Variants in SLC25A42 observed in about 807,000 individuals in gnomAD.
The protein encoded by SLC25A42 is mitochondrial coenzyme A transporter SLC25A42.
In SLC25A42, 19 loss-of-function variants were observed where a neutral mutation model predicts 34.7. The ratio of observed to expected loss-of-function variants is 0.55; its 90% confidence interval spans 0.38 to 0.80. The LOEUF is 0.80. Among genes scored for constraint, SLC25A42 ranks in the 30% least tolerant of loss-of-function variants. The pLI, the probability that SLC25A42 is intolerant of heterozygous loss-of-function variation, is 0.00. For missense variants in SLC25A42, 364 were observed against 441.3 expected (o/e 0.82, Z 1.57); for synonymous variants, 205 against 191.2 (o/e 1.07, Z -0.59).
At chr19:19,106,244 C>G in intron 5 of SLC25A42, 25 bp from the exon 6 acceptor site, 1 of 1,594,142 alleles carries the variant, frequency 6.3e-7, no homozygotes, top group Non-Finnish European at 8.5e-7. Flanking sequence ...ACTGCCGTCT[C>G]GCCTTCTCCT....
At chr19:19,093,747 G>A (rs1339809018) in intron 1 of SLC25A42, among the ~76,000 whole-genome samples, 2 of 152,070 alleles carry the variant, frequency 1.3e-5, no homozygotes, top group Non-Finnish European at 2.9e-5. Flanking sequence ...GCGTGATCTC[G>A]GCTCACTGCA....
intron 3 of SLC25A42, among the ~76,000 whole-genome samples, chr19:19,103,555 C>T (rs1255114840): frequency 2.0e-5 from 3 of 152,204 alleles, no homozygotes; most frequent in Non-Finnish European, 4.4e-5. Context: ...TTTCAGAGGA[C>T]AGAAATTAAA....
chr19:19,108,431 C>T (rs921270577), intron 7 of SLC25A42, among the ~76,000 whole-genome samples: 2 of 152,048 alleles, frequency 1.3e-5, no homozygotes, highest in African/African-American at 2.4e-5. Context: ...CACCTGTGGT[C>T]CCAGCTACTA....
chr19:19,099,888 C>T (rs984061559), intron 2 of SLC25A42, among the ~76,000 whole-genome samples: 7 of 151,802 alleles, frequency 4.6e-5, no homozygotes, highest in Non-Finnish European at 8.8e-5. Context: ...CCACCATGCC[C>T]GGCTAATTTT....
intron 1 of SLC25A42, among the ~76,000 whole-genome samples, chr19:19,082,919 G>A (rs1262889845): frequency 6.6e-6 from 1 of 151,976 alleles, no homozygotes; most frequent in Non-Finnish European, 1.5e-5. Context: ...CTGGGTTCAA[G>A]TGATTCTCCT....
chr19:19,097,681 T>C (rs571664867), intron 2 of SLC25A42, among the ~76,000 whole-genome samples: 1 of 152,304 alleles, frequency 6.6e-6, no homozygotes, highest in East Asian at 1.9e-4. Flanking sequence ...AGCTGAGCCT[T>C]GGCTGGGATG....
Position 19,110,847 on chromosome 19 carries a change from C to T in SLC25A42, c.928C>T (p.Gln310Ter), listed in dbSNP as rs1234931232. Residue 310 changes from glutamine to a stop codon, truncating the protein, a stop_gained, in exon 8 of 8, where the codon CAG becomes TAG. Coordinates refer to ENST00000318596, the MANE Select transcript of SLC25A42 (RefSeq NM_178526.5). LOFTEE classifies it high-confidence loss of function. The stretch of plus-strand genomic sequence containing the variant: ...CAGCTTCACCACCTTCGACCTCATG[C>T]AGATCCTGCTGCGGCACCTGCAGAG... The part of the protein sequence containing the change: ...GISFTTFDLM[Q>*]ILLRHLQS The T allele has an allele frequency of 6.2e-7, 1 of 1,613,968 alleles. No homozygotes were observed. Among genetic ancestry groups the T allele is most frequent in the Admixed American group, 1.7e-5 (1 of 60,026 alleles).
In SLC25A42 at chr19:19,110,877, G is replaced by A. The variant is rs1234369257; in HGVS notation, c.*1G>A. On this transcript the variant is annotated 3_prime_UTR_variant, in exon 8 of 8. Transcript: ENST00000318596. ...CCTGCTGCGGCACCTGCAGAGCTAG[G>A]GGACCCTGAGCTGCTCTCAGGACGG... The A allele has an allele frequency of 3.7e-6, 6 of 1,613,578 alleles. No individual in the cohort carries two copies. In the South Asian group the frequency reaches 4.4e-5, roughly 12 times the overall value.
intron 1 of SLC25A42, among the ~76,000 whole-genome samples, chr19:19,094,004 G>A (rs1256692543): frequency 1.3e-5 from 2 of 152,216 alleles, no homozygotes; most frequent in Non-Finnish European, 2.9e-5. Flanking sequence ...CAGATGGGGT[G>A]ATGGATCTGG....
intron 1 of SLC25A42, among the ~76,000 whole-genome samples, chr19:19,066,349 C>T (rs1406338673): frequency 1.3e-5 from 2 of 152,084 alleles, no homozygotes; most frequent in African/African-American, 4.8e-5. Context: ...ATCCCCCACC[C>T]CTTTTAAACC....
At chr19:19,100,558 A>G (rs2059790702) in intron 2 of SLC25A42, among the ~76,000 whole-genome samples, 1 of 151,820 alleles carries the variant, frequency 6.6e-6, no homozygotes, top group Admixed American at 6.6e-5. Context: ...CCCACCTAAT[A>G]CTATGACACA....
intron 1 of SLC25A42, among the ~76,000 whole-genome samples, chr19:19,089,497 C>T (rs1773115455): frequency 6.6e-6 from 1 of 150,650 alleles, no homozygotes; most frequent in African/African-American, 2.4e-5. Context: ...CAGTGCACTC[C>T]AGCCTGGGTG....
chr19:19,090,455 C>A (rs1299446573), intron 1 of SLC25A42, among the ~76,000 whole-genome samples: 3 of 152,012 alleles, frequency 2.0e-5, no homozygotes, highest in Non-Finnish European at 2.9e-5. Context: ...GACCTCCCCC[C>A]AAAACAGGTA....
intron 7 of SLC25A42, among the ~76,000 whole-genome samples, chr19:19,108,518 C>G (rs1238497346): frequency 6.7e-6 from 1 of 150,168 alleles, no homozygotes; most frequent in African/African-American, 2.5e-5. Context: ...TGCTGCACAC[C>G]AGCCTGGGTG....
chr19:19,070,670 C>T (rs1044680993), intron 1 of SLC25A42, among the ~76,000 whole-genome samples: 1 of 152,166 alleles, frequency 6.6e-6, no homozygotes, highest in Non-Finnish European at 1.5e-5. Flanking sequence ...ATCTTAAGAT[C>T]CTTAACTGAT....
intron 1 of SLC25A42, among the ~76,000 whole-genome samples, chr19:19,074,735 G>A (rs930034582): frequency 1.3e-5 from 2 of 152,094 alleles, no homozygotes; most frequent in African/African-American, 4.8e-5. Context: ...GTGTGTGTGT[G>A]TGAGTGTATG....
In SLC25A42 at chr19:19,096,094, C is replaced by T. The variant is rs1303043214; in HGVS notation, c.-31C>T. On this transcript the variant is annotated 5_prime_UTR_variant, in exon 2 of 8. Transcript: ENST00000318596. ...CCACCTCCCCTTACCCCCCCAGGAC[C>T]GAGTCTCCTGCCATTCCGAGCAGGC... is the stretch of plus-strand genomic sequence containing the variant. 1.9e-6 allele frequency: 3 copies of T among 1,601,104 alleles called. No individual in the cohort carries two copies. Among genetic ancestry groups the T allele is most frequent in the Non-Finnish European group, 1.7e-6 (2 of 1,168,480 alleles).
At chr19:19,082,573 A>G (rs1179612391) in intron 1 of SLC25A42, among the ~76,000 whole-genome samples, 1 of 151,968 alleles carries the variant, frequency 6.6e-6, no homozygotes, top group Non-Finnish European at 1.5e-5. Context: ...CATGTCGACC[A>G]GGCTGGTCTC....
At chr19:19,066,703 G>A (rs1450496635) in intron 1 of SLC25A42, among the ~76,000 whole-genome samples, 5 of 151,482 alleles carry the variant, frequency 3.3e-5, no homozygotes, top group Non-Finnish European at 7.4e-5. Flanking sequence ...AGCCTGCCTC[G>A]GTCTCCCAAA....
Sources: allele counts gnomAD v4.1 joint callset (sites outside exome capture counted in the v4.1 genomes callset), GRCh38; gene constraint gnomAD v4.1.1; transcripts MANE v1.5; gene names NCBI Gene and HGNC (gene_info 2026-07-23, HGNC 2026-07-21).